Variants in BEAN1 observed in about 807,000 individuals in gnomAD.
BEAN1 encodes brain expressed associated with NEDD4 1.
Under a neutral mutation model 17.7 loss-of-function variants are expected in BEAN1, and 17 were observed. That is an observed-to-expected ratio of 0.96 (90% CI 0.66 to 1.44). BEAN1 has a LOEUF of 1.44. Ranked by LOEUF, BEAN1 falls within the 40% of genes most tolerant of loss-of-function variation. The pLI, the probability that BEAN1 is intolerant of heterozygous loss-of-function variation, is 0.00. For missense variants in BEAN1, 359 were observed against 374.1 expected (o/e 0.96, Z 0.33); for synonymous variants, 142 against 151.8 (o/e 0.94, Z 0.47).
chr16:66,468,765 A>G (rs750446312), intron 2 of BEAN1, among the ~76,000 whole-genome samples: 2 of 152,168 alleles, frequency 1.3e-5, no homozygotes, highest in Non-Finnish European at 2.9e-5. Flanking sequence ...GTGGGTGCCC[A>G]TGGCTGCCCC....
At chr16:66,451,351 C>A (rs1005003483) in intron 2 of BEAN1, 2 of 152,188 alleles carry the variant, frequency 1.3e-5, no homozygotes, top group South Asian at 2.1e-4. Flanking sequence ...CCAGCCATGA[C>A]CTTGACCTTG....
chr16:66,444,610 G>A (rs1461969626), intron 2 of BEAN1, among the ~76,000 whole-genome samples: 2 of 152,152 alleles, frequency 1.3e-5, no homozygotes, highest in African/African-American at 2.4e-5. Flanking sequence ...TGTCTTTCTC[G>A]CCAACAGCCC....
chr16:66,441,788 G>A (rs2142385236), intron 2 of BEAN1, among the ~76,000 whole-genome samples: 1 of 152,268 alleles, frequency 6.6e-6, no homozygotes. Flanking sequence ...TGCAGGCCCT[G>A]GGGGAGCAGG....
intron 1 of BEAN1, among the ~76,000 whole-genome samples, chr16:66,433,564 T>C (rs1961890165): frequency 6.6e-6 from 1 of 150,936 alleles, no homozygotes; most frequent in Non-Finnish European, 1.5e-5. Context: ...TCCACCTTCC[T>C]AAAGAGAGAA....
chr16:66,475,764 G>A (rs1963711473), intron 3 of BEAN1: 1 of 152,194 alleles, frequency 6.6e-6, no homozygotes, highest in Non-Finnish European at 1.5e-5. Flanking sequence ...AAAGTAATGT[G>A]TGTTCATTAT....
At chr16:66,435,037 G>A (rs1170143577) in intron 1 of BEAN1, among the ~76,000 whole-genome samples, 1 of 152,124 alleles carries the variant, frequency 6.6e-6, no homozygotes, top group Non-Finnish European at 1.5e-5. Context: ...ACCAGTCAAG[G>A]AGGACCTCAC....
rs115256283 is a variant in BEAN1, at chr16:66,479,670, G to A, written c.441-916G>A. Among the ~76,000 whole-genome samples the A allele has an allele frequency of 3.5e-3, 530 of 152,328 alleles. 1 individual carries two copies. Among genetic ancestry groups the A allele is most frequent in the African/African-American group, 0.012 (505 of 41,572 alleles). ...GGCCTCACCTGTAGCCACTGAGGCA[G>A]AGACTGGCCTTAGGGATCAAGACGG... is the stretch of plus-strand genomic sequence containing the variant. On this transcript the variant is annotated intron_variant, in intron 4 of 4. Transcript: ENST00000536005.
chr16:66,459,023 A>G (rs541857402), intron 2 of BEAN1, among the ~76,000 whole-genome samples: 2 of 152,342 alleles, frequency 1.3e-5, no homozygotes, highest in East Asian at 3.9e-4. Context: ...TCAGAAGACA[A>G]CTAATTGGAG....
intron 1 of BEAN1, among the ~76,000 whole-genome samples, chr16:66,429,382 G>A (rs1177976503): frequency 6.6e-6 from 1 of 152,174 alleles, no homozygotes; most frequent in Non-Finnish European, 1.5e-5. Context: ...GTGTGGCTGG[G>A]ACCTTAGACC....
exon 5 of BEAN1, chr16:66,493,201 C>T (rs1304915617): frequency 1.0e-5 from 7 of 702,914 alleles, no homozygotes; most frequent in Non-Finnish European, 1.6e-5. Flanking sequence ...CAGAGAAACT[C>T]GCTAGGACCC....
chr16:66,469,751 A>G lies in BEAN1; in HGVS notation c.175A>G (p.Ile59Val). 1 of 1,536,164 alleles carries G rather than the reference A, an allele frequency of 6.5e-7. No homozygotes were observed. Among genetic ancestry groups the G allele is most frequent in the South Asian group, 1.2e-5 (1 of 84,064 alleles). ...CTGCATCACCATCATTGTGGGCAGC[A>G]TCCGCAGGGACAGGCAGGCCCGGCT... Reference protein sequence around the residue: ...LSCITIIVGSIRRDRQARLQR... With the variant: ...LSCITIIVGSVRRDRQARLQR... Residue 59 changes from isoleucine (I) to valine (V), a missense_variant, in exon 3 of 5, where the codon ATC (isoleucine) becomes GTC (valine). Ile to Val is a conservative substitution (Grantham distance 29). Transcript: ENST00000536005.
chr16:66,438,804 G>GC (rs200882921), intron 2 of BEAN1, among the ~76,000 whole-genome samples: 2,694 of 151,724 alleles, frequency 0.018, 41 homozygotes, highest in South Asian at 0.044. Flanking sequence ...TGTTCCCTGA[G>GC]CCCCCCCCAA....
At chr16:66,494,700 T>C (rs1403547800), downstream of BEAN1, among the ~76,000 whole-genome samples, 3 of 152,226 alleles carry the variant, frequency 2.0e-5, no homozygotes, top group African/African-American at 7.2e-5. Flanking sequence ...CTCCCTTTTC[T>C]TTCGGCTAAT....
At chr16:66,431,893 G>A (rs902383555) in intron 1 of BEAN1, among the ~76,000 whole-genome samples, 16 of 151,960 alleles carry the variant, frequency 1.1e-4, no homozygotes, top group South Asian at 1.0e-3. Context: ...TGGAACCTCC[G>A]CCTCCTGGGT....
At chr16:66,474,606 G>GGAAGGA (rs1259572958) in intron 3 of BEAN1, among the ~76,000 whole-genome samples, 3 of 11,702 alleles carry the variant, frequency 2.6e-4, no homozygotes, top group African/African-American at 1.1e-3. Flanking sequence ...GGGAGGGAGA[G>GGAAGGA]AGGGAGGGAG....
At chr16:66,441,321 C>A (rs1962247313) in intron 2 of BEAN1, among the ~76,000 whole-genome samples, 1 of 152,132 alleles carries the variant, frequency 6.6e-6, no homozygotes, top group Non-Finnish European at 1.5e-5. Context: ...CCAGACCCCC[C>A]AAAACAGACA....
At chr16:66,443,735 CA>C (rs1347236316) in intron 2 of BEAN1, among the ~76,000 whole-genome samples, 1 of 152,072 alleles carries the variant, frequency 6.6e-6, no homozygotes, top group Admixed American at 6.6e-5. Flanking sequence ...AGTGCAGCGG[CA>C]CAATCTCAGC....
intron 2 of BEAN1, among the ~76,000 whole-genome samples, chr16:66,469,201 A>G (rs1963371758): frequency 6.6e-6 from 1 of 152,150 alleles, no homozygotes; most frequent in Non-Finnish European, 1.5e-5. Context: ...ACTGCTTCCT[A>G]AGACATTGGT....
rs1298714588 is a variant in BEAN1 at position 66,493,050 on chromosome 16, C to A, written c.236C>A (p.Ala79Asp). The A allele has an allele frequency of 1.6e-4, 109 of 702,880 alleles. 1 individual carries two copies. The highest frequency in any genetic ancestry group is 2.8e-4 in the Non-Finnish European group (106 of 385,012). 43.5% of individuals were successfully genotyped at this position (702,880 alleles called of 1,614,324 possible). ...ATCCTGGGCAGGCTGGGCTACACGG[C>A]CACCTTGGAGTCTGAGTTCTCACTG... Residue 79 changes from alanine (A) to aspartate (D), a missense_variant, in exon 5 of 5, where the codon GCC becomes GAC. By Grantham distance (126) the Ala-to-Asp change is moderately radical (BLOSUM62 -2). Coordinates refer to the BEAN1 transcript ENST00000561796.
Sources: gnomAD v4.1 joint callset for allele counts (sites outside exome capture counted in the v4.1 genomes callset) on GRCh38, gnomAD v4.1.1 for gene constraint, MANE v1.5 for transcripts, NCBI Gene and HGNC (gene_info 2026-07-23, HGNC 2026-07-21) for gene names.